Variants in NF1 observed in about 807,000 individuals in gnomAD.
NF1 encodes the protein neurofibromin.
Under a neutral mutation model 325.7 loss-of-function variants are expected in NF1, and 122 were observed. The observed-to-expected ratio is 0.37, with a 90% confidence interval of 0.32 to 0.44. The LOEUF (loss-of-function observed/expected upper bound fraction) is 0.44. Ranked by LOEUF, NF1 falls within the 20% of genes least tolerant of loss-of-function variation. NF1 has a pLI of 1.00. For synonymous variants in NF1, 1,091 were observed against 1,186.0 expected, an observed-to-expected ratio of 0.92 and a Z score of 1.65; for missense variants, 2,140 against 3,415.4, an observed-to-expected ratio of 0.63 and a Z score of 9.31.
chr17:31,304,788 G>T (rs1225776340), intron 36 of NF1: 1 of 1,613,970 alleles, frequency 6.2e-7, no homozygotes, highest in Non-Finnish European at 8.5e-7. Context: ...TTGGTTTCCA[G>T]GGTGTAAGTG....
At chr17:31,103,598 CT>C (rs1215372817) in intron 1 of NF1, among the ~76,000 whole-genome samples, 1 of 150,744 alleles carries the variant, frequency 6.6e-6, no homozygotes, top group Non-Finnish European at 1.5e-5. Flanking sequence ...CCAGGCTGGC[CT>C]CAAACACCTG....
chr17:31,293,006 C>T (rs868648315), intron 36 of NF1, among the ~76,000 whole-genome samples: 5 of 151,478 alleles, frequency 3.3e-5, no homozygotes, highest in African/African-American at 4.8e-5. Flanking sequence ...GATGAAGCCC[C>T]GTCTCTACTG....
At chr17:31,277,705 G>T (rs2068034772) in intron 36 of NF1, among the ~76,000 whole-genome samples, 1 of 152,116 alleles carries the variant, frequency 6.6e-6, no homozygotes, top group Non-Finnish European at 1.5e-5. Flanking sequence ...CTCCGTTTCT[G>T]CAGGGTCCCA....
intron 7 of NF1, 116 bp from the exon 8 acceptor site, chr17:31,182,392 C>G: frequency 1.1e-6 from 1 of 932,912 alleles, no homozygotes; most frequent in Admixed American, 2.2e-5. Context: ...AAATGAAGTT[C>G]CATGTTTATC....
intron 47 of NF1, among the ~76,000 whole-genome samples, chr17:31,341,688 GGTGTGT>G (rs142968323): frequency 1.4e-5 from 2 of 147,018 alleles, no homozygotes; most frequent in Non-Finnish European, 3.0e-5. Context: ...GTGCTAATGG[GGTGTGT>G]GTGTGTGTGT....
intron 1 of NF1, among the ~76,000 whole-genome samples, chr17:31,110,599 GA>G (rs150173020): frequency 3.9e-4 from 60 of 152,138 alleles, no homozygotes; most frequent in Admixed American, 1.1e-3. Flanking sequence ...TGAAAGGGTG[GA>G]AAAATTCAAG....
chr17:31,116,875 C>T (rs984139930), intron 1 of NF1, among the ~76,000 whole-genome samples: 4 of 150,496 alleles, frequency 2.7e-5, no homozygotes, highest in Admixed American at 1.3e-4. Flanking sequence ...GACAGGGTTT[C>T]GCTGTGTTAG....
chr17:31,210,182 C>T (rs1185557703), intron 12 of NF1, among the ~76,000 whole-genome samples: 1 of 152,168 alleles, frequency 6.6e-6, no homozygotes, highest in Non-Finnish European at 1.5e-5. Context: ...CTGGCTTAAT[C>T]AACACTGAAT....
intron 48 of NF1, among the ~76,000 whole-genome samples, chr17:31,345,015 C>T (rs2069934198): frequency 6.6e-6 from 1 of 152,110 alleles, no homozygotes; most frequent in Non-Finnish European, 1.5e-5. Context: ...TTCAGCCACT[C>T]AGGAGGCTGA....
Position 31,095,274 on chromosome 17 carries a change from C to T in NF1, c.-36C>T. 1 of 1,532,158 alleles carries T rather than the reference C, an allele frequency of 6.5e-7. No homozygotes were observed. Among genetic ancestry groups the T allele is most frequent in the Non-Finnish European group, 8.7e-7 (1 of 1,144,090 alleles). The allele number at this position is 1,532,158 out of a possible 1,614,324, so 94.9% of individuals were successfully genotyped here. On this transcript the variant is annotated 5_prime_UTR_variant, in exon 1 of 58. Coordinates refer to ENST00000358273, the MANE Select transcript of NF1 (RefSeq NM_001042492.3). ...CTTCCCGGCCCAGGGCGCCGGCCCA[C>T]CCTTCCCTCCGCCGCCCCCCGGCCG...
At chr17:31,169,315 C>G (rs2065895046) in intron 4 of NF1, among the ~76,000 whole-genome samples, 1 of 151,958 alleles carries the variant, frequency 6.6e-6, no homozygotes, top group South Asian at 2.1e-4. Context: ...GAACCCTGGC[C>G]GAAAGTCGGC....
At chr17:31,202,978 G>A (rs755926918) in intron 11 of NF1, among the ~76,000 whole-genome samples, 2 of 152,168 alleles carry the variant, frequency 1.3e-5, no homozygotes, top group Non-Finnish European at 2.9e-5. Context: ...AATATTCAAA[G>A]AGTGGATAGC....
intron 57 of NF1, among the ~76,000 whole-genome samples, chr17:31,373,480 A>G (rs552685369): frequency 7.7e-4 from 118 of 152,266 alleles, no homozygotes; most frequent in Non-Finnish European, 1.5e-3. Flanking sequence ...TTCTTGTGCT[A>G]TTTTCTGCTA....
intron 3 of NF1, among the ~76,000 whole-genome samples, chr17:31,159,904 C>G (rs980334140): frequency 2.0e-5 from 3 of 152,078 alleles, no homozygotes; most frequent in Non-Finnish European, 4.4e-5. Flanking sequence ...CTTCCCTCTT[C>G]ACATATGTTG....
chr17:31,261,223 A>G (rs1390507387), intron 34 of NF1, among the ~76,000 whole-genome samples: 1 of 151,960 alleles, frequency 6.6e-6, no homozygotes, highest in East Asian at 1.9e-4. Flanking sequence ...AGCCTGGGCC[A>G]CAAGAGCTAA....
chr17:31,183,819 A>G (rs2143793540), intron 8 of NF1, among the ~76,000 whole-genome samples: 1 of 152,296 alleles, frequency 6.6e-6, no homozygotes, highest in Non-Finnish European at 1.5e-5. Flanking sequence ...CCCAGCCTAC[A>G]TCTTTCTCCT....
intron 36 of NF1, among the ~76,000 whole-genome samples, chr17:31,266,559 A>T (rs1209071530): frequency 6.6e-6 from 1 of 152,164 alleles, no homozygotes; most frequent in Non-Finnish European, 1.5e-5. Context: ...TGCGTTTGAG[A>T]TGAACCATAT....
chr17:31,340,696 T>C (rs759336866), intron 47 of NF1, 51 bp downstream of exon 47: 1 of 1,569,990 alleles, frequency 6.4e-7, no homozygotes, highest in Non-Finnish European at 8.8e-7. Flanking sequence ...TTAGTACTCT[T>C]CCATCTTTTC....
chr17:31,114,337 G>C (rs183181602), intron 1 of NF1, among the ~76,000 whole-genome samples: 1 of 152,020 alleles, frequency 6.6e-6, no homozygotes, highest in Non-Finnish European at 1.5e-5. Flanking sequence ...AGGAGATCGA[G>C]ACCATCCTGG....
Sources: allele counts gnomAD v4.1 joint callset (sites outside exome capture counted in the v4.1 genomes callset), GRCh38; gene constraint gnomAD v4.1.1; transcripts MANE v1.5; gene names NCBI Gene and HGNC (gene_info 2026-07-23, HGNC 2026-07-21).